The following KCNMA1 variants were observed in gnomAD, a reference collection of about 807,000 sequenced individuals.
KCNMA1 encodes Calcium-activated potassium channel subunit alpha-1.
KCNMA1 carries 29 observed loss-of-function variants against 140.0 expected under a neutral mutation model. The observed-to-expected ratio is 0.21, with a 90% CI of 0.15 to 0.28. The LOEUF (loss-of-function observed/expected upper bound fraction) is 0.28, where lower values mean the gene tolerates loss of function less well. KCNMA1 is among the 10% of genes least tolerant of loss of function. KCNMA1 has a pLI of 1.00. For synonymous variants in KCNMA1, 612 were observed against 611.9 expected (o/e 1.00, Z 0.00); for missense variants, 880 against 1,602.2 (o/e 0.55, Z 7.70).
chr10:77,354,913 T>C (rs557338368), intron 2 of KCNMA1, among the ~76,000 whole-genome samples: 1 of 152,344 alleles, frequency 6.6e-6, no homozygotes, highest in African/African-American at 2.4e-5. Flanking sequence ...AAACATTTCT[T>C]TGATGCCTTA....
intron 1 of KCNMA1, among the ~76,000 whole-genome samples, chr10:77,579,823 A>G (rs1191273859): frequency 6.6e-6 from 1 of 152,192 alleles, no homozygotes; most frequent in Non-Finnish European, 1.5e-5. Context: ...AATGAGTCAC[A>G]GAAGCTCCCC....
At chr10:77,476,536 A>G (rs1454089934) in intron 1 of KCNMA1, among the ~76,000 whole-genome samples, 1 of 152,218 alleles carries the variant, frequency 6.6e-6, no homozygotes, top group African/African-American at 2.4e-5. Context: ...TTCAGGGTCC[A>G]TGCAGCTCTA....
intron 20 of KCNMA1, among the ~76,000 whole-genome samples, chr10:76,964,508 C>T (rs1352973796): frequency 6.6e-6 from 1 of 152,116 alleles, no homozygotes; most frequent in East Asian, 1.9e-4. Context: ...AGTACCATGA[C>T]ACCAACTACT....
intron 1 of KCNMA1, among the ~76,000 whole-genome samples, chr10:77,576,738 G>A (rs569639428): frequency 6.6e-6 from 1 of 152,284 alleles, no homozygotes; most frequent in South Asian, 2.1e-4. Context: ...CTGCAGGCCA[G>A]GGGTCTCAGG....
At chr10:77,290,864 G>A (rs2072984114) in intron 2 of KCNMA1, among the ~76,000 whole-genome samples, 1 of 152,184 alleles carries the variant, frequency 6.6e-6, no homozygotes, top group Non-Finnish European at 1.5e-5. Flanking sequence ...CCAAAGGAGA[G>A]GTTAACTGTT....
chr10:77,339,107 A>C (rs902968976), intron 2 of KCNMA1, among the ~76,000 whole-genome samples: 1 of 152,004 alleles, frequency 6.6e-6, no homozygotes, highest in African/African-American at 2.4e-5. Flanking sequence ...CTGTGGTATT[A>C]AAATCTCATG....
At chr10:77,469,002 C>G (rs938716996) in intron 1 of KCNMA1, among the ~76,000 whole-genome samples, 14 of 152,176 alleles carry the variant, frequency 9.2e-5, no homozygotes, top group Non-Finnish European at 1.6e-4. Flanking sequence ...AAGTCACACA[C>G]TTCACAATCC....
intron 2 of KCNMA1, among the ~76,000 whole-genome samples, chr10:77,252,055 G>A (rs2059766638): frequency 6.6e-6 from 1 of 152,152 alleles, no homozygotes; most frequent in South Asian, 2.1e-4. Context: ...AATCCATTAG[G>A]CCAGTTATGT....
intron 20 of KCNMA1, among the ~76,000 whole-genome samples, chr10:76,966,302 T>C (rs755700938): frequency 1.4e-4 from 21 of 152,180 alleles, no homozygotes; most frequent in South Asian, 6.2e-4. Flanking sequence ...CACCTACCCA[T>C]TGGAGAAATC....
chr10:77,611,402 T>C (rs2086813267), intron 1 of KCNMA1, among the ~76,000 whole-genome samples: 1 of 151,936 alleles, frequency 6.6e-6, no homozygotes, highest in Non-Finnish European at 1.5e-5. Context: ...CAGATTAGAG[T>C]GACAGAAAGA....
At chr10:77,008,345 C>T (rs2089736907) in intron 18 of KCNMA1, among the ~76,000 whole-genome samples, 1 of 152,140 alleles carries the variant, frequency 6.6e-6, no homozygotes, top group Admixed American at 6.6e-5. Flanking sequence ...GGAGTCCACA[C>T]TTTGGCAAAC....
At chr10:77,346,315 T>G (rs2092129052) in intron 2 of KCNMA1, among the ~76,000 whole-genome samples, 1 of 152,168 alleles carries the variant, frequency 6.6e-6, no homozygotes, top group Non-Finnish European at 1.5e-5. Context: ...CAACCCACCT[T>G]GGTTCTTCCC....
chr10:77,595,432 A>G (rs1436078242), intron 1 of KCNMA1, among the ~76,000 whole-genome samples: 1 of 151,640 alleles, frequency 6.6e-6, no homozygotes, highest in African/African-American at 2.4e-5. Flanking sequence ...TAGGATAAAA[A>G]TGAGACCATA....
At chr10:77,013,108 G>T (rs1259490637) in intron 17 of KCNMA1, among the ~76,000 whole-genome samples, 1 of 152,176 alleles carries the variant, frequency 6.6e-6, no homozygotes, top group African/African-American at 2.4e-5. Context: ...CAGGGCTGCA[G>T]AAATAAACAC....
chr10:77,067,569 C>T (rs1430331262), intron 14 of KCNMA1, among the ~76,000 whole-genome samples: 1 of 152,188 alleles, frequency 6.6e-6, no homozygotes, highest in Non-Finnish European at 1.5e-5. Context: ...CTTACTTTGT[C>T]CCAGAAGCAC....
intron 1 of KCNMA1, among the ~76,000 whole-genome samples, chr10:77,565,589 C>T (rs538851666): frequency 8.0e-4 from 122 of 152,292 alleles, no homozygotes; most frequent in African/African-American, 2.8e-3. Flanking sequence ...CTGCCACCAA[C>T]GCACTGTGTG....
intron 15 of KCNMA1, among the ~76,000 whole-genome samples, chr10:77,032,717 T>TACAAAGCC (rs1425125554): frequency 1.3e-5 from 2 of 151,292 alleles, no homozygotes; most frequent in African/African-American, 4.8e-5. Flanking sequence ...AACGACATTA[T>TACAAAGCC]ACAAAGCCCA....
intron 23 of KCNMA1, among the ~76,000 whole-genome samples, chr10:76,924,680 A>G (rs2057135866): frequency 6.6e-6 from 1 of 152,126 alleles, no homozygotes; most frequent in African/African-American, 2.4e-5. Context: ...TCTGAGATGG[A>G]AGTGATCAGG....
chr10:77,434,233 T>A (rs1192800514), intron 1 of KCNMA1, among the ~76,000 whole-genome samples: 1 of 152,222 alleles, frequency 6.6e-6, no homozygotes, highest in African/African-American at 2.4e-5. Context: ...GCCTCTCACC[T>A]TCTAGGCTAT....
Sources: allele counts gnomAD v4.1 joint callset (sites outside exome capture counted in the v4.1 genomes callset), GRCh38; gene constraint gnomAD v4.1.1; transcripts MANE v1.5; gene names NCBI Gene and HGNC (gene_info 2026-07-23, HGNC 2026-07-21).